Variants in BLM observed in about 807,000 individuals in gnomAD.
BLM encodes the protein recQ-like DNA helicase BLM.
In BLM, 95 loss-of-function variants were observed where a neutral mutation model predicts 135.3. The observed-to-expected ratio is 0.70, with a 90% CI of 0.59 to 0.83. The LOEUF is 0.83. Ranked by LOEUF, BLM falls within the 40% of genes least tolerant of loss-of-function variation. The pLI, the probability that BLM is intolerant of heterozygous loss-of-function variation, is 0.00. For synonymous variants in BLM, 520 were observed against 589.2 expected, an observed-to-expected ratio of 0.88 and a Z score of 1.70; for missense variants, 1,518 against 1,663.9, an observed-to-expected ratio of 0.91 and a Z score of 1.53.
At chr15:90,725,423 C>T (rs1185666606) in intron 1 of BLM, among the ~76,000 whole-genome samples, 2 of 151,900 alleles carry the variant, frequency 1.3e-5, no homozygotes, top group Non-Finnish European at 2.9e-5. Flanking sequence ...TTTCTGGTAG[C>T]ATTCATTTCT....
chr15:90,795,432 A>G (rs1897006701), intron 16 of BLM, among the ~76,000 whole-genome samples: 1 of 152,168 alleles, frequency 6.6e-6, no homozygotes, highest in Non-Finnish European at 1.5e-5. Flanking sequence ...GTGAGCCAAG[A>G]TCATGCCATT....
intron 14 of BLM, among the ~76,000 whole-genome samples, chr15:90,787,304 C>T (rs563971796): frequency 1.3e-4 from 20 of 152,108 alleles, no homozygotes; most frequent in Middle Eastern, 3.4e-3. Flanking sequence ...CCGCCCGCCT[C>T]GGCCTCCCAA....
chr15:90,798,381 T>A lies in BLM; in HGVS notation c.3358+44T>A, dbSNP rs1383281025. On this transcript the variant is annotated intron_variant, in intron 17 of 21. Coordinates refer to ENST00000355112, the MANE Select transcript of BLM (RefSeq NM_000057.4). ...ATGTTTGAGTTACTTCAATTGAAAT[T>A]GAACATCTAAAGAATTTATTACAAG... is the stretch of plus-strand genomic sequence containing the variant. 3.1e-6 allele frequency: 5 copies of A among 1,591,126 alleles called. No homozygotes were observed. The African/African-American group carries it at 5.4e-5, about 17-fold the overall frequency.
At chr15:90,807,769 T>TCA (rs1454256659) in intron 19 of BLM, among the ~76,000 whole-genome samples, 4 of 152,226 alleles carry the variant, frequency 2.6e-5, no homozygotes, top group Non-Finnish European at 5.9e-5. Flanking sequence ...GCATTCACAA[T>TCA]CACTTTTTTA....
In BLM at chr15:90,769,674, C is replaced by T. The variant is rs1896249217; in HGVS notation, c.2555+88C>T. 18 of 1,396,136 alleles carry T rather than the reference C, an allele frequency of 1.3e-5. 1 individual carries two copies. The highest frequency in any genetic ancestry group is 1.2e-4 in the South Asian group (10 of 80,934). The allele number at this position is 1,396,136 out of a possible 1,614,324, so 86.5% of individuals were successfully genotyped here. A position where few individuals can be genotyped will look rare whatever the true frequency, so the allele number is the denominator to read the frequency against. On this transcript the variant is annotated intron_variant, in intron 12 of 21. Transcript: ENST00000355112. ...GTTAGAATCACCTGTGGCGCTTTAA[C>T]GCCACCACCCCACCCCCACCCCACC...
chr15:90,749,567 A>T lies in BLM; in HGVS notation c.299A>T (p.Gln100Leu), dbSNP rs1201949546. The change falls in exon 3 of 22, where the codon CAG (glutamine) becomes CTG (leucine). Residue 100 changes from glutamine (Q) to leucine (L), a missense_variant. By Grantham distance (113) the Gln-to-Leu change is moderately radical. Transcript: ENST00000355112. Reference protein sequence around the residue: ...FKNAPAGQETQRGGSKSLLPD... With the variant: ...FKNAPAGQETLRGGSKSLLPD... ...AATGCTCCAGCAGGACAGGAAACAC[A>T]GAGAGGTGGATCAAAATCATTATTG... 6.2e-7 allele frequency: 1 copy of T among 1,614,204 alleles called. No individual in the cohort carries two copies. Among genetic ancestry groups the T allele is most frequent in the Admixed American group, 1.7e-5 (1 of 60,022 alleles).
rs1555425082 is a variant in BLM at position 90,811,287 on chromosome 15, A to T, written c.3957A>T (p.Ile1319=). 1 of 1,614,194 alleles carries T rather than the reference A, an allele frequency of 6.2e-7. No individual in the cohort carries two copies. Among genetic ancestry groups the T allele is most frequent in the Admixed American group, 1.7e-5 (1 of 60,016 alleles). ...CCGCTGAGGAGCTCGACGAGGAAAT[A>T]CCCGTATCTTCCCACTACTTTGCAA... ...RSAAEELDEE[I]PVSSHYFASK... Residue 1319 remains isoleucine (I), a synonymous_variant, in exon 21 of 22, where the codon ATA becomes ATT. Coordinates refer to ENST00000355112, the MANE Select transcript of BLM (RefSeq NM_000057.4).
At chr15:90,782,246 G>T (rs1206500261) in intron 12 of BLM, among the ~76,000 whole-genome samples, 1 of 152,080 alleles carries the variant, frequency 6.6e-6, no homozygotes, top group Non-Finnish European at 1.5e-5. Context: ...AAATTAGCTG[G>T]GCGCGATGGT....
intron 19 of BLM, among the ~76,000 whole-genome samples, chr15:90,805,514 AC>A (rs1897267842): frequency 1.3e-5 from 2 of 151,800 alleles, no homozygotes; most frequent in Admixed American, 1.3e-4. Flanking sequence ...ATCTGGCCGG[AC>A]ACGGTGGCTC....
intron 19 of BLM, among the ~76,000 whole-genome samples, chr15:90,804,638 A>AT (rs1897247627): frequency 6.6e-6 from 1 of 151,418 alleles, no homozygotes; most frequent in Admixed American, 6.6e-5. Context: ...TAATTTTTGT[A>AT]TTTTTTCGTA....
intron 17 of BLM, among the ~76,000 whole-genome samples, chr15:90,800,719 A>G (rs541047234): frequency 0.01 from 1,485 of 146,734 alleles, 21 homozygotes; most frequent in African/African-American, 0.035. Flanking sequence ...CAACGTAGAG[A>G]GAGAGTAAGA....
chr15:90,752,014 A>G, intron 4 of BLM, 68 bp downstream of exon 4: 1 of 1,357,778 alleles, frequency 7.4e-7, no homozygotes, highest in South Asian at 1.3e-5. Flanking sequence ...AATTTAGTTT[A>G]TAATATCATT....
chr15:90,784,091 G>GA (rs1398662137), intron 13 of BLM, among the ~76,000 whole-genome samples: 3 of 151,746 alleles, frequency 2.0e-5, no homozygotes, highest in Admixed American at 6.6e-5. Context: ...TAAAAACTTA[G>GA]AAAACACTTT....
At chr15:90,800,035 A>G (rs1387613680) in intron 17 of BLM, among the ~76,000 whole-genome samples, 2 of 152,238 alleles carry the variant, frequency 1.3e-5, no homozygotes. Context: ...TAAAAGGGTC[A>G]GCCTTCCCTG....
intron 19 of BLM, among the ~76,000 whole-genome samples, chr15:90,808,498 C>T (rs1260030891): frequency 1.3e-5 from 2 of 152,192 alleles, no homozygotes; most frequent in Admixed American, 6.5e-5. Context: ...CCACCAGGCT[C>T]CCGGATTCTA....
At chr15:90,739,704 A>C (rs28364260) in intron 1 of BLM, among the ~76,000 whole-genome samples, 2,719 of 152,254 alleles carry the variant, frequency 0.018, 90 homozygotes, top group African/African-American at 0.063. Flanking sequence ...TTTTTTTGAT[A>C]ATCTGGAAGT....
intron 15 of BLM, chr15:90,793,870 T>C (rs1896964335): frequency 5.2e-6 from 1 of 192,522 alleles, no homozygotes; most frequent in African/African-American, 2.4e-5. Context: ...CCTCAGGATG[T>C]TCAGTTCGGT....
chr15:90,726,402 A>G (rs77779847), intron 1 of BLM, among the ~76,000 whole-genome samples: 45 of 152,104 alleles, frequency 3.0e-4, no homozygotes, highest in Middle Eastern at 3.4e-3. Flanking sequence ...CCAAGTAGCT[A>G]GGATTACAGG....
At position 90,750,027 on chromosome 15, in the gene BLM, G is replaced by A. The variant is rs34580216; in HGVS notation, c.759G>A (p.Gln253=). The change falls in exon 3 of 22, where the codon CAG becomes CAA. Residue 253 remains glutamine, a synonymous_variant. Coordinates refer to ENST00000355112, the MANE Select transcript of BLM (RefSeq NM_000057.4). ...AAGTGCATATAAATGAAGATGCTCA[G>A]GAAAGTGACTCTCTGAAAACTCATT... ...IAEVHINEDA[Q]ESDSLKTHLE... 4.9e-5 allele frequency: 79 copies of A among 1,614,138 alleles called. No individual in the cohort carries two copies. In the African/African-American group the frequency reaches 8.4e-4, roughly 17 times the overall value.
Sources: gnomAD v4.1 joint callset for allele counts (sites outside exome capture counted in the v4.1 genomes callset) on GRCh38, gnomAD v4.1.1 for gene constraint, MANE v1.5 for transcripts, NCBI Gene and HGNC (gene_info 2026-07-23, HGNC 2026-07-21) for gene names.